The following SRRM1 variants were observed in gnomAD, a reference collection of about 807,000 sequenced individuals.
SRRM1 encodes the protein serine and arginine repetitive matrix 1.
Under a neutral mutation model 110.2 loss-of-function variants are expected in SRRM1, and 19 were observed. That is an observed-to-expected ratio of 0.17 (90% CI 0.12 to 0.25). The LOEUF (loss-of-function observed/expected upper bound fraction) is 0.25. SRRM1 is among the 10% of genes least tolerant of loss of function. The probability of loss-of-function intolerance (pLI) is 1.00; values close to 1 mark genes in which losing one functional copy is unlikely to be tolerated. For missense variants in SRRM1, 918 were observed against 1,145.8 expected (o/e 0.80, Z 2.87); for synonymous variants, 443 against 414.9 (o/e 1.07, Z -0.82).
rs554180796 is a variant in SRRM1 at position 24,664,548 on chromosome 1, C to G, written c.1628+1744C>G. Among the ~76,000 whole-genome samples the G allele has an allele frequency of 2.6e-5, 4 of 152,238 alleles. No individual in the cohort carries two copies. The East Asian group carries it at 5.8e-4, about 22-fold the overall frequency. On this transcript the variant is annotated intron_variant, in intron 12 of 16. Coordinates refer to ENST00000323848, the MANE Select transcript of SRRM1 (RefSeq NM_005839.4). ...TGCCACTGAATTTTGAAGTATTTAT[C>G]CTTGCTGAAGCTATCCCACTGTCCT... is the stretch of plus-strand genomic sequence containing the variant.
chr1:24,669,613 TA>T, intron 14 of SRRM1, 26 bp downstream of exon 14: 1 of 1,487,818 alleles, frequency 6.7e-7, no homozygotes, highest in Non-Finnish European at 9.1e-7. Flanking sequence ...GCTTTTCCAT[TA>T]GGAATACTTA....
intron 12 of SRRM1, among the ~76,000 whole-genome samples, chr1:24,665,685 C>T (rs1321658023): frequency 1.3e-5 from 2 of 152,174 alleles, no homozygotes; most frequent in Admixed American, 1.3e-4. Context: ...TGCACTCCAG[C>T]CTGGGCAACA....
rs1671977737 is a variant in SRRM1 at position 24,670,105 on chromosome 1, T to C, written c.2205-15T>C. On this transcript the variant is annotated splice_polypyrimidine_tract_variant and intron_variant, in intron 14 of 16. Transcript: ENST00000323848. The stretch of plus-strand genomic sequence containing the variant: ...GGCTGTTCTCAATGCTGAATGTTTT[T>C]TCCTTTTTGTCTAGGGCTGCTTCCC... 6.5e-7 allele frequency: 1 copy of C among 1,540,578 alleles called. No individual in the cohort carries two copies. The highest frequency in any genetic ancestry group is 2.2e-5 in the Admixed American group (1 of 46,066).
chr1:24,660,679 T>G (rs1335086021), intron 9 of SRRM1, 40 bp from the exon 10 acceptor site: 7 of 1,176,480 alleles, frequency 5.9e-6, no homozygotes, highest in Non-Finnish European at 8.4e-6. Context: ...ATAGACCTTT[T>G]TTTGTACGTA....
chr1:24,649,023 A>G lies in SRRM1; in HGVS notation c.399A>G (p.Gln133=). The stretch of plus-strand genomic sequence containing the variant: ...AACTGAAGAAAGAAGAAATAAAACA[A>G]AGACAGGTAATAACCTTTTCTTTTC... ...FLELKKEEIK[Q]RQIEQEKLAS... The change falls in exon 4 of 17, where the codon CAA becomes CAG. Residue 133 remains glutamine, a synonymous_variant. Coordinates refer to ENST00000323848, the MANE Select transcript of SRRM1 (RefSeq NM_005839.4). 1 of 1,612,026 alleles carries G rather than the reference A, an allele frequency of 6.2e-7. No individual in the cohort carries two copies.
rs371751627 is a variant in SRRM1 at position 24,672,238 on chromosome 1, A to G, written c.2667A>G (p.Glu889=). The G allele has an allele frequency of 1.7e-4, 269 of 1,610,940 alleles. No individual in the cohort carries two copies. The highest frequency in any genetic ancestry group is 2.7e-4 in the Admixed American group (16 of 59,684). The change falls in exon 17 of 17, where the codon GAA becomes GAG. Residue 889 remains glutamate, a synonymous_variant. Transcript: ENST00000323848. Reference sequence around the variant, plus strand: ...ATGATTTAGAAAAGCACCTGCGTGAAAAGGCCCTGAGATCAATGAGGAAGG... The same window carrying G: ...ATGATTTAGAAAAGCACCTGCGTGAGAAGGCCCTGAGATCAATGAGGAAGG... ...NLDDLEKHLR[E]KALRSMRKAQ... is the part of the protein sequence containing the mutation.
At chr1:24,649,860 A>G (rs1659607423) in intron 4 of SRRM1, 111 bp from the exon 5 acceptor site, 3 of 948,748 alleles carry the variant, frequency 3.2e-6, no homozygotes, top group African/African-American at 3.4e-5. Context: ...GGTTCAAAAG[A>G]AGAGGCCGAT....
intron 11 of SRRM1, among the ~76,000 whole-genome samples, chr1:24,662,093 G>A (rs1254330099): frequency 6.6e-6 from 1 of 152,022 alleles, no homozygotes; most frequent in East Asian, 1.9e-4. Context: ...GCAAGGCTTT[G>A]TTTCCACAAA....
Position 24,646,649 on chromosome 1 carries a change from G to A in SRRM1, c.112-18G>A. On this transcript the variant is annotated intron_variant, in intron 2 of 16. Transcript: ENST00000323848. Reference sequence around the variant, plus strand: ...TAGGATTGTGAAGTTGTACTTAATTGTTTCTATGTTTCATCAGGTGGACAT... The same window carrying A: ...TAGGATTGTGAAGTTGTACTTAATTATTTCTATGTTTCATCAGGTGGACAT... 2 of 1,561,344 alleles carry A rather than the reference G, an allele frequency of 1.3e-6. No individual in the cohort carries two copies. Among genetic ancestry groups the A allele is most frequent in the Non-Finnish European group, 1.7e-6 (2 of 1,160,876 alleles).
chr1:24,667,126 G>A (rs930761792), intron 13 of SRRM1, among the ~76,000 whole-genome samples: 8 of 152,132 alleles, frequency 5.3e-5, no homozygotes, highest in African/African-American at 1.4e-4. Context: ...ATTAGAGTAA[G>A]CAGACTAGCA....
At chr1:24,671,715 AG>A in intron 16 of SRRM1, 120 bp downstream of exon 16, 1 of 852,716 alleles carries the variant, frequency 1.2e-6, no homozygotes, top group East Asian at 2.5e-5. Context: ...CTGAGATAAA[AG>A]TCACGTACCA....
intron 9 of SRRM1, among the ~76,000 whole-genome samples, chr1:24,656,381 T>A (rs907336308): frequency 4.6e-5 from 7 of 152,154 alleles, no homozygotes; most frequent in Admixed American, 3.3e-4. Flanking sequence ...TAGTGATAGG[T>A]TCATTAAATA....
intron 16 of SRRM1, 46 bp from the exon 17 acceptor site, chr1:24,672,136 C>A: frequency 6.9e-7 from 1 of 1,449,446 alleles, no homozygotes; most frequent in Non-Finnish European, 9.5e-7. Context: ...TCGGCATTTC[C>A]CACCAGGGTC....
chr1:24,666,850 C>T lies in SRRM1; in HGVS notation c.1664C>T (p.Thr555Ile). 1 of 1,613,450 alleles carries T rather than the reference C, an allele frequency of 6.2e-7. No individual in the cohort carries two copies. The highest frequency in any genetic ancestry group is 8.5e-7 in the Non-Finnish European group (1 of 1,179,780). The change falls in exon 13 of 17, where the codon ACC (threonine) becomes ATC (isoleucine). Residue 555 changes from threonine (T) to isoleucine (I), a missense_variant. This residue lies in a region of SRRM1 where 357 missense variants were observed against 402.9 expected (regional missense o/e 0.89). Transcript: ENST00000323848. ...RRRRSPSPPP[T>I]RRRRSPSPAP... ...AGGAGAAGTCCATCCCCACCACCCA[C>T]CAGAAGGCGACGGTCTCCTTCTCCC...
intron 10 of SRRM1, 36 bp downstream of exon 10, chr1:24,660,835 T>C: frequency 6.9e-7 from 1 of 1,441,876 alleles, no homozygotes; most frequent in Non-Finnish European, 9.5e-7. Context: ...TTTTGGTTTG[T>C]TTGTTTTTGT....
At chr1:24,664,651 T>C (rs1668980763) in intron 12 of SRRM1, among the ~76,000 whole-genome samples, 1 of 152,216 alleles carries the variant, frequency 6.6e-6, no homozygotes, top group Non-Finnish European at 1.5e-5. Flanking sequence ...AAGGAACCAG[T>C]GAGCAGTGTT....
rs139595725 is a variant in SRRM1, at chr1:24,661,352, A to G, written c.1439A>G (p.Gln480Arg). The change falls in exon 11 of 17, where the codon CAG (glutamine) becomes CGG (arginine). Residue 480 changes from glutamine (Q) to arginine (R), a missense_variant. Physicochemically the swap from Gln to Arg is conservative, Grantham distance 43. This residue lies in a region of SRRM1 where 456 missense variants were observed against 453.5 expected (regional missense o/e 1.01). Transcript: ENST00000323848. ...GGKMAAADSV[Q>R]QRRQYRRQNQ... ...AAAATGGCTGCAGCAGATTCTGTGC[A>G]GCAGAGACGCCAATACAGACGACAA... 330 of 1,613,676 alleles carry G rather than the reference A, an allele frequency of 2.0e-4. No individual in the cohort carries two copies. The highest frequency in any genetic ancestry group is 2.7e-4 in the Non-Finnish European group (318 of 1,179,796).
intron 1 of SRRM1, 35 bp from the exon 2 acceptor site, chr1:24,645,949 G>C (rs766658497): frequency 6.4e-7 from 1 of 1,570,480 alleles, no homozygotes; most frequent in Non-Finnish European, 8.7e-7. Context: ...ATTTAACTTT[G>C]AACCCTTAGT....
At chr1:24,645,716 C>T (rs950876578) in intron 1 of SRRM1, among the ~76,000 whole-genome samples, 1 of 152,188 alleles carries the variant, frequency 6.6e-6, no homozygotes, top group South Asian at 2.1e-4. Flanking sequence ...TCAAATCTAA[C>T]ATTGGATATG....
Sources: allele counts gnomAD v4.1 joint callset (sites outside exome capture counted in the v4.1 genomes callset), GRCh38; gene constraint gnomAD v4.1.1; regional missense constraint gnomAD v4.1.1; transcripts MANE v1.5; gene names NCBI Gene and HGNC (gene_info 2026-07-23, HGNC 2026-07-21).